MACROD2: variants seen among roughly 807,000 people sequenced by gnomAD.
The protein encoded by MACROD2 is ADP-ribose glycohydrolase MACROD2.
MACROD2 carries 36 observed loss-of-function variants against 70.4 expected under a neutral mutation model. The ratio of observed to expected loss-of-function variants is 0.51; its 90% CI spans 0.39 to 0.68. The LOEUF (loss-of-function observed/expected upper bound fraction) is 0.68, where lower values mean the gene tolerates loss of function less well. MACROD2 is among the 30% of genes least tolerant of loss of function. MACROD2 has a pLI of 0.00. For missense variants in MACROD2, 496 were observed against 538.4 expected (o/e 0.92, Z 0.78); for synonymous variants, 172 against 178.8 (o/e 0.96, Z 0.30).
intron 5 of MACROD2, among the ~76,000 whole-genome samples, chr20:14,742,199 G>T (rs572535367): frequency 3.3e-5 from 5 of 152,086 alleles, no homozygotes; most frequent in Non-Finnish European, 7.4e-5. Flanking sequence ...TGAGGTTGTG[G>T]CTGGTAATAT....
At chr20:15,201,114 CA>C (rs2076652420) in intron 5 of MACROD2, among the ~76,000 whole-genome samples, 1 of 152,110 alleles carries the variant, frequency 6.6e-6, no homozygotes, top group Non-Finnish European at 1.5e-5. Context: ...TAGAAGTACT[CA>C]AACTCCCTGC....
At chr20:14,444,651 A>T (rs971384713) in intron 3 of MACROD2, among the ~76,000 whole-genome samples, 8 of 151,996 alleles carry the variant, frequency 5.3e-5, no homozygotes, top group Admixed American at 5.2e-4. Flanking sequence ...TTTCAGACCC[A>T]TAAACCAACT....
rs1256713034 is a variant in MACROD2, at chr20:14,085,720, T to A, written c.263T>A (p.Val88Asp). ...ACATTGCTAGAGGTAGATGCTATAG[T>A]CAATGCCGGTGAGTAGTTGATTTTC... The part of the protein sequence containing the change: ...DITLLEVDAI[V>D]NAANASLLGG... Residue 88 changes from valine to aspartate, a missense_variant, in exon 3 of 18, where the codon GTC becomes GAC. By Grantham distance (152) the Val-to-Asp change is radical (BLOSUM62 -3). Coordinates refer to ENST00000684519, the MANE Select transcript of MACROD2 (RefSeq NM_001351661.2). The A allele has an allele frequency of 6.6e-7, 1 of 1,523,390 alleles. No individual in the cohort carries two copies. The allele number at this position is 1,523,390 out of a possible 1,614,324, so 94.4% of individuals were successfully genotyped here. A position where few individuals can be genotyped will look rare whatever the true frequency, so the allele number is the denominator to read the frequency against.
intron 8 of MACROD2, among the ~76,000 whole-genome samples, chr20:15,782,524 G>C (rs997104295): frequency 2.0e-5 from 3 of 151,802 alleles, no homozygotes; most frequent in Non-Finnish European, 4.4e-5. Flanking sequence ...GTCATTCACT[G>C]GTCTAGCCTG....
In MACROD2 at chr20:14,858,244, C is replaced by T. The variant is rs150693445; in HGVS notation, c.418+173285C>T. Among the ~76,000 whole-genome samples the T allele has an allele frequency of 2.2e-3, 341 of 152,200 alleles. 1 individual carries two copies. Among genetic ancestry groups the T allele is most frequent in the African/African-American group, 7.9e-3 (328 of 41,512 alleles). ...GGCACCTATAGCAAGGTGATAAATA[C>T]GCCCCAAGGGTGCAACTGGAAAATG... is the stretch of plus-strand genomic sequence containing the variant. On this transcript the variant is annotated intron_variant, in intron 5 of 17. Transcript: ENST00000684519.
chr20:15,088,399 A>T (rs6131638), intron 5 of MACROD2, among the ~76,000 whole-genome samples: 262 of 1,136 alleles, frequency 0.23, 5 homozygotes, highest in South Asian at 0.39. Context: ...ACTATATTTT[A>T]TATATATATA....
intron 5 of MACROD2, among the ~76,000 whole-genome samples, chr20:15,193,578 T>C (rs2076585774): frequency 6.6e-6 from 1 of 151,954 alleles, no homozygotes; most frequent in South Asian, 2.1e-4. Flanking sequence ...AGCCTAGAAG[T>C]TTGAGACTGC....
chr20:13,999,833 A>G (rs2052708806), intron 1 of MACROD2, among the ~76,000 whole-genome samples: 1 of 152,142 alleles, frequency 6.6e-6, no homozygotes, highest in South Asian at 2.1e-4. Context: ...ATGGCTAAGT[A>G]ATTTTCACTT....
chr20:14,101,472 T>A (rs936678374), intron 3 of MACROD2, among the ~76,000 whole-genome samples: 6 of 152,046 alleles, frequency 3.9e-5, no homozygotes, highest in African/African-American at 1.4e-4. Context: ...GATTGGGGCT[T>A]TTGTTGTAAA....
At chr20:14,613,585 G>T (rs1205767053) in intron 4 of MACROD2, among the ~76,000 whole-genome samples, 1 of 152,028 alleles carries the variant, frequency 6.6e-6, no homozygotes, top group Admixed American at 6.6e-5. Flanking sequence ...GGGTATTAAG[G>T]GGACAAAACA....
intron 5 of MACROD2, among the ~76,000 whole-genome samples, chr20:14,869,502 G>A (rs2073464441): frequency 6.6e-6 from 1 of 152,122 alleles, no homozygotes; most frequent in African/African-American, 2.4e-5. Flanking sequence ...GCTGTGAAAG[G>A]TGATTTTCAC....
intron 5 of MACROD2, among the ~76,000 whole-genome samples, chr20:15,065,423 AGGCG>A (rs1238377918): frequency 2.6e-5 from 4 of 152,166 alleles, no homozygotes; most frequent in African/African-American, 7.2e-5. Flanking sequence ...TGGGAGGCCG[AGGCG>A]GGCGGATCAC....
chr20:14,013,958 T>C (rs1395209693), intron 2 of MACROD2, among the ~76,000 whole-genome samples: 1 of 152,140 alleles, frequency 6.6e-6, no homozygotes, highest in Admixed American at 6.5e-5. Context: ...TTAAAAATAT[T>C]GTAAAAACAA....
At chr20:15,743,346 C>A (rs902363876) in intron 8 of MACROD2, among the ~76,000 whole-genome samples, 3 of 152,108 alleles carry the variant, frequency 2.0e-5, no homozygotes, top group Non-Finnish European at 4.4e-5. Context: ...GAAAATCAAA[C>A]AGAAATATTG....
At chr20:14,624,778 C>T (rs1193769963) in intron 4 of MACROD2, among the ~76,000 whole-genome samples, 1 of 152,122 alleles carries the variant, frequency 6.6e-6, no homozygotes, top group Admixed American at 6.6e-5. Context: ...GGGATGTTAT[C>T]CTAGTTGATA....
intron 8 of MACROD2, among the ~76,000 whole-genome samples, chr20:15,661,328 ATGCTC>A (rs1264135007): frequency 6.6e-6 from 1 of 152,170 alleles, no homozygotes; most frequent in African/African-American, 2.4e-5. Context: ...GCACCAGCAA[ATGCTC>A]AGCCTCTGAT....
chr20:14,511,317 G>A (rs750509624), intron 4 of MACROD2, among the ~76,000 whole-genome samples: 4 of 151,944 alleles, frequency 2.6e-5, no homozygotes, highest in African/African-American at 4.8e-5. Flanking sequence ...TGAGGGGATG[G>A]ACACCCCATT....
chr20:15,131,234 A>G (rs1337827470), intron 5 of MACROD2, among the ~76,000 whole-genome samples: 1 of 152,162 alleles, frequency 6.6e-6, no homozygotes, highest in Non-Finnish European at 1.5e-5. Flanking sequence ...TAGGGAATCA[A>G]TGAAGAACTA....
chr20:14,843,083 C>G (rs2073103743), intron 5 of MACROD2, among the ~76,000 whole-genome samples: 1 of 151,912 alleles, frequency 6.6e-6, no homozygotes, highest in African/African-American at 2.4e-5. Context: ...GCTAGCTCCC[C>G]TTCTACCATC....
Sources: gnomAD v4.1 joint callset for allele counts (sites outside exome capture counted in the v4.1 genomes callset) on GRCh38, gnomAD v4.1.1 for gene constraint, MANE v1.5 for transcripts, NCBI Gene and HGNC (gene_info 2026-07-23, HGNC 2026-07-21) for gene names.